SAMD11: variants seen among roughly 807,000 people sequenced by gnomAD.
SAMD11 encodes sterile alpha motif domain containing 11.
SAMD11 carries 77 observed loss-of-function variants against 64.4 expected under a neutral mutation model. That is an observed-to-expected ratio of 1.20 (90% CI 0.99 to 1.44). The LOEUF is 1.44. Ranked by LOEUF, SAMD11 falls within the 40% of genes most tolerant of loss-of-function variation. The probability of loss-of-function intolerance (pLI) is 0.00; values close to 1 mark genes in which losing one functional copy is unlikely to be tolerated. For missense variants in SAMD11, 1,402 were observed against 943.3 expected (o/e 1.49, Z -6.37); for synonymous variants, 658 against 421.9 (o/e 1.56, Z -6.86).
rs545322136 is a variant in SAMD11, at chr1:942,068, G to A, written c.1359-68G>A. 1.3e-5 allele frequency: 6 copies of A among 477,732 alleles called. No individual in the cohort carries two copies. In the East Asian group the frequency reaches 2.1e-4, roughly 17 times the overall value. 29.6% of individuals were successfully genotyped at this position (477,732 alleles called of 1,614,324 possible). A position where few individuals can be genotyped will look rare whatever the true frequency, so the allele number is the denominator to read the frequency against. ...CCGGCAATTAGCGGAGGCGGCGGGGGAGGGGCGCCGGGGCCTTTACGGGAA... is the reference window on the plus strand; with the variant it reads ...CCGGCAATTAGCGGAGGCGGCGGGGAAGGGGCGCCGGGGCCTTTACGGGAA... On this transcript the variant is annotated intron_variant, in intron 8 of 13. Coordinates refer to ENST00000616016, the MANE Select transcript of SAMD11 (RefSeq NM_001385641.1).
At chr1:928,686 T>A (rs1641025338) in intron 2 of SAMD11, among the ~76,000 whole-genome samples, 1 of 152,240 alleles carries the variant, frequency 6.6e-6, no homozygotes, top group South Asian at 2.1e-4. Context: ...TGCCCAGCAG[T>A]GCTGCGTTTT....
At position 944,010 on chromosome 1, in the gene SAMD11, G is replaced by A. The variant is rs1557612612; in HGVS notation, c.2392G>A (p.Gly798Arg). 2 of 1,612,926 alleles carry A rather than the reference G, an allele frequency of 1.2e-6. No homozygotes were observed. Among genetic ancestry groups the A allele is most frequent in the Middle Eastern group, 1.6e-4 (1 of 6,062 alleles). ...LRAPERELGT[G>R]EQPLSPTTAT... ...GGCCCCGGAGCGAGAACTCGGCACA[G>A]GAGAGCAGCCCTTGTCCCCCACGAC... Residue 798 changes from glycine to arginine, a missense_variant, in exon 14 of 14, where the codon GGA becomes AGA. Coordinates refer to ENST00000616016, the MANE Select transcript of SAMD11 (RefSeq NM_001385641.1).
In SAMD11 at chr1:942,873, G is replaced by C. The variant is rs368804486; in HGVS notation, c.1868G>C (p.Gly623Ala). ...GGGGCTAGGCTCTGGGCACAAGATG[G>C]CTCGGAAGACGAGCCCCCCAAAGAC... ...MTGARLWAQD[G>A]SEDEPPKDSD... Residue 623 changes from glycine (G) to alanine (A), a missense_variant, in exon 11 of 14, where the codon GGC becomes GCC. Gly to Ala is a moderately conservative substitution (Grantham distance 60, BLOSUM62 0). Coordinates refer to ENST00000616016, the MANE Select transcript of SAMD11 (RefSeq NM_001385641.1). 1.2e-5 allele frequency: 18 copies of C among 1,554,174 alleles called. No individual in the cohort carries two copies. The South Asian group carries it at 2.0e-4, about 17-fold the overall frequency.
At position 942,935 on chromosome 1, in the gene SAMD11, T is replaced by G. The variant is rs1569917624; in HGVS notation, c.1930T>G (p.Cys644Gly). The G allele has an allele frequency of 1.3e-6, 2 of 1,545,572 alleles. No homozygotes were observed. The highest frequency in any genetic ancestry group is 1.7e-6 in the Non-Finnish European group (2 of 1,147,212). The change falls in exon 11 of 14, where the codon TGC (cysteine) becomes GGC (glycine). Residue 644 changes from cysteine to glycine, a missense_variant. Physicochemically the swap from Cys to Gly is radical, Grantham distance 159 (BLOSUM62 -3). Coordinates refer to ENST00000616016, the MANE Select transcript of SAMD11 (RefSeq NM_001385641.1). ...GEDPETAAVGCRGPTPGQAPA... is the reference protein window; with the variant it reads ...GEDPETAAVGGRGPTPGQAPA... ...GGACCCCGAGACGGCAGCTGTTGGG[T>G]GCAGGGGGCCCACTCCGGGCCAAGC...
rs1640776451 is a variant in SAMD11, at chr1:924,036, G to A, written c.-396G>A. On this transcript the variant is annotated 5_prime_UTR_variant, in exon 1 of 14. Coordinates refer to ENST00000616016, the MANE Select transcript of SAMD11 (RefSeq NM_001385641.1). The stretch of plus-strand genomic sequence containing the variant: ...GGCTTGGGACCCCCGAGAGGGGCGG[G>A]GACTCCGCGACTCCTCGCTGCCGGG... 1 of 150,188 alleles carries A rather than the reference G, an allele frequency of 6.7e-6. No individual in the cohort carries two copies. The highest frequency in any genetic ancestry group is 2.4e-5 in the African/African-American group (1 of 41,188). 9.3% of individuals were successfully genotyped at this position (150,188 alleles called of 1,614,324 possible).
intron 13 of SAMD11, 21 bp from the exon 14 acceptor site, chr1:943,887 C>T (rs766142594): frequency 6.2e-6 from 10 of 1,612,854 alleles, no homozygotes; most frequent in South Asian, 1.1e-5. Flanking sequence ...CGACAGCCCC[C>T]ACCAGGCCAT....
intron 11 of SAMD11, 43 bp downstream of exon 11, chr1:943,101 C>G (rs1386984178): frequency 1.3e-6 from 2 of 1,555,328 alleles, no homozygotes; most frequent in Non-Finnish European, 1.7e-6. Context: ...GGGCACAGGA[C>G]TGGCAGGCCG....
rs1438890093 is a variant in SAMD11 at position 942,806 on chromosome 1, G to A, written c.1801G>A (p.Gly601Ser). 16 of 1,545,960 alleles carry A rather than the reference G, an allele frequency of 1.0e-5. No individual in the cohort carries two copies. The highest frequency in any genetic ancestry group is 2.5e-5 in the East Asian group (1 of 40,414). ...GCGAGCCCCCCGGAAGGGGGGTCCC[G>A]GCCCTGCCTCAGCGCGGCCCAGCGA... ...ARRAPRKGGP[G>S]PASARPSESK... The change falls in exon 11 of 14, where the codon GGC becomes AGC. Residue 601 changes from glycine to serine, a missense_variant. Transcript: ENST00000616016.
Position 930,343 on chromosome 1 carries a change from G to T in SAMD11, c.791+7G>T, listed in dbSNP as rs1313366511. 1.9e-6 allele frequency: 3 copies of T among 1,596,604 alleles called. No homozygotes were observed. The highest frequency in any genetic ancestry group is 3.5e-5 in the Admixed American group (2 of 57,808). Reference sequence around the variant, plus strand: ...TCCGTATCATGAAGAGAAGGTACTTGGACCAGGGCCGGACAGGAAGGCGCA... The same window carrying T: ...TCCGTATCATGAAGAGAAGGTACTTTGACCAGGGCCGGACAGGAAGGCGCA... On this transcript the variant is annotated splice_region_variant and intron_variant, in intron 3 of 13. Coordinates refer to ENST00000616016, the MANE Select transcript of SAMD11 (RefSeq NM_001385641.1).
Position 944,554 on chromosome 1 carries a change from AAAAAT to A in SAMD11, c.*405_*409del. The A allele has an allele frequency of 3.2e-6, 2 of 633,426 alleles. No homozygotes were observed. The highest frequency in any genetic ancestry group is 4.3e-4 in the Middle Eastern group (1 of 2,332). The allele number at this position is 633,426 out of a possible 1,614,324, so 39.2% of individuals were successfully genotyped here. On this transcript the variant is annotated 3_prime_UTR_variant, in exon 14 of 14. Transcript: ENST00000616016. The stretch of plus-strand genomic sequence containing the variant: ...TCGATACGTTTGGTCTTTCATGCTG[AAAAAT>A]AAATAATAAAGCCTGTCCCGTGTCT...
At chr1:936,533 A>T (rs1641460710) in intron 5 of SAMD11, among the ~76,000 whole-genome samples, 1 of 151,924 alleles carries the variant, frequency 6.6e-6, no homozygotes, top group African/African-American at 2.4e-5. Flanking sequence ...TTGTGGGGGG[A>T]CCAGGCCCCC....
Position 944,548 on chromosome 1 carries a change from A to G in SAMD11, c.*395A>G, listed in dbSNP as rs763727197. 8.1e-5 allele frequency: 51 copies of G among 628,530 alleles called. No homozygotes were observed. The highest frequency in any genetic ancestry group is 4.3e-4 in the Middle Eastern group (1 of 2,328). The allele number at this position is 628,530 out of a possible 1,614,324, so 38.9% of individuals were successfully genotyped here. ...CAGCTCTCGATACGTTTGGTCTTTC[A>G]TGCTGAAAAATAAATAATAAAGCCT... On this transcript the variant is annotated 3_prime_UTR_variant, in exon 14 of 14. Coordinates refer to ENST00000616016, the MANE Select transcript of SAMD11 (RefSeq NM_001385641.1).
At chr1:935,092 T>C (rs1641360028) in intron 4 of SAMD11, among the ~76,000 whole-genome samples, 2 of 152,204 alleles carry the variant, frequency 1.3e-5, no homozygotes, top group South Asian at 4.1e-4. Flanking sequence ...CTCATTGCTC[T>C]CTGGGACTCT....
At chr1:930,390 T>C in intron 3 of SAMD11, 54 bp downstream of exon 3, 1 of 1,515,096 alleles carries the variant, frequency 6.6e-7, no homozygotes, top group Non-Finnish European at 8.9e-7. Flanking sequence ...GGGCTGGAGC[T>C]TCAGGCCTTC....
intron 4 of SAMD11, among the ~76,000 whole-genome samples, chr1:932,511 C>T (rs985148033): frequency 2.1e-4 from 32 of 152,340 alleles, no homozygotes; most frequent in African/African-American, 5.8e-4. Flanking sequence ...GCCCAGCACA[C>T]GCCTGAGTGG....
chr1:931,202 G>A (rs1244683804), intron 4 of SAMD11, 113 bp downstream of exon 4: 1 of 992,514 alleles, frequency 1.0e-6, no homozygotes, highest in Non-Finnish European at 1.5e-6. Flanking sequence ...AGCTGATGCT[G>A]TGATGCTGGC....
Position 924,113 on chromosome 1 carries a change from G to C in SAMD11, c.-319G>C, listed in dbSNP as rs1034257848. On this transcript the variant is annotated 5_prime_UTR_variant, in exon 1 of 14. Coordinates refer to ENST00000616016, the MANE Select transcript of SAMD11 (RefSeq NM_001385641.1). ...CCGGGCGTGGGACTGCCCCGGGCGCGGGCGCTGGTGGCCGGGGCGCGGGAC... is the reference window on the plus strand; with the variant it reads ...CCGGGCGTGGGACTGCCCCGGGCGCCGGCGCTGGTGGCCGGGGCGCGGGAC... 112 of 149,696 alleles carry C rather than the reference G, an allele frequency of 7.5e-4. No individual in the cohort carries two copies. Among genetic ancestry groups the C allele is most frequent in the African/African-American group, 2.6e-3 (107 of 41,234 alleles). The allele number at this position is 149,696 out of a possible 1,614,324, so 9.3% of individuals were successfully genotyped here. A position where few individuals can be genotyped will look rare whatever the true frequency, so the allele number is the denominator to read the frequency against.
rs750016780 is a variant in SAMD11, at chr1:943,973, A to G, written c.2355A>G (p.Pro785=). The G allele has an allele frequency of 1.9e-6, 3 of 1,612,754 alleles. No homozygotes were observed. Among genetic ancestry groups the G allele is most frequent in the Admixed American group, 1.7e-5 (1 of 60,008 alleles). ...ASFPVALPLQ[P]PTLRAPEREL... is the part of the protein sequence containing the mutation. ...TCCCCGTGGCTCTGCCACTGCAGCC[A>G]CCAACCCTGCGGGCCCCGGAGCGAG... Residue 785 remains proline (P), a synonymous_variant, in exon 14 of 14, where the codon CCA becomes CCG. Transcript: ENST00000616016.
rs113383096 is a variant in SAMD11, at chr1:944,101, G to C, written c.2483G>C (p.Gly828Ala). 4.0e-3 allele frequency: 6,444 copies of C among 1,609,282 alleles called. 219 individuals are homozygous for C. The African/African-American group carries it at 0.077, about 19-fold the overall frequency. The change falls in exon 14 of 14, where the codon GGG (glycine) becomes GCG (alanine). Residue 828 changes from glycine to alanine, a missense_variant. Transcript: ENST00000616016. The stretch of plus-strand genomic sequence containing the variant: ...CAAACTTCACCCAAGCAGGAGAATG[G>C]GACCTTGGCTCTACTTCCAGGGGCC... ...AGQTSPKQENGTLALLPGAPD... is the reference protein window; with the variant it reads ...AGQTSPKQENATLALLPGAPD...
Sources: allele counts gnomAD v4.1 joint callset (sites outside exome capture counted in the v4.1 genomes callset), GRCh38; gene constraint gnomAD v4.1.1; transcripts MANE v1.5; gene names NCBI Gene and HGNC (gene_info 2026-07-23, HGNC 2026-07-21).